The following LDLRAD4 variants were observed in gnomAD, a reference collection of about 807,000 sequenced individuals.
LDLRAD4 encodes low density lipoprotein receptor class A domain containing 4.
LDLRAD4 carries 5 observed loss-of-function variants against 17.0 expected under a neutral mutation model. The observed-to-expected ratio is 0.29, with a 90% CI of 0.15 to 0.62. The LOEUF (loss-of-function observed/expected upper bound fraction) is 0.62. Among genes scored for constraint, LDLRAD4 ranks in the 20% least tolerant of loss-of-function variants. The pLI is 0.84. For synonymous variants in LDLRAD4, 168 were observed against 171.8 expected, an observed-to-expected ratio of 0.98 and a Z score of 0.17; for missense variants, 340 against 424.7, an observed-to-expected ratio of 0.80 and a Z score of 1.75.
At chr18:13,409,383 A>G (rs1368537982) in intron 2 of LDLRAD4, among the ~76,000 whole-genome samples, 6 of 152,198 alleles carry the variant, frequency 3.9e-5, no homozygotes, top group Non-Finnish European at 8.8e-5. Context: ...CCTTAACTAT[A>G]GATGATTCCT....
chr18:13,228,643 G>C (rs2041925724), intron 1 of LDLRAD4, among the ~76,000 whole-genome samples: 1 of 152,146 alleles, frequency 6.6e-6, no homozygotes, highest in Non-Finnish European at 1.5e-5. Flanking sequence ...CAGGCACAAG[G>C]CTGGAGTTTG....
intron 2 of LDLRAD4, among the ~76,000 whole-genome samples, chr18:13,394,538 C>G (rs563505077): frequency 1.1e-4 from 16 of 152,196 alleles, no homozygotes; most frequent in African/African-American, 3.9e-4. Context: ...AGAAACATTC[C>G]AATTAATATT....
At chr18:13,583,619 A>G (rs564934732) in intron 3 of LDLRAD4, among the ~76,000 whole-genome samples, 1 of 152,356 alleles carries the variant, frequency 6.6e-6, no homozygotes. Flanking sequence ...AAATTTTAAG[A>G]AAGATTGATA....
At chr18:13,479,708 G>A (rs1381060877) in intron 3 of LDLRAD4, among the ~76,000 whole-genome samples, 5 of 151,930 alleles carry the variant, frequency 3.3e-5, no homozygotes, top group Admixed American at 1.3e-4. Context: ...CAAACTATAC[G>A]AAGAACTCTT....
intron 3 of LDLRAD4, among the ~76,000 whole-genome samples, chr18:13,587,518 C>T (rs1237674413): frequency 6.6e-6 from 1 of 152,182 alleles, no homozygotes; most frequent in Non-Finnish European, 1.5e-5. Flanking sequence ...CCAACGTCCA[C>T]ACTTCGTTTC....
At chr18:13,597,991 G>A (rs1428453296) in intron 3 of LDLRAD4, among the ~76,000 whole-genome samples, 1 of 152,090 alleles carries the variant, frequency 6.6e-6, no homozygotes, top group Non-Finnish European at 1.5e-5. Flanking sequence ...AATGGCTATT[G>A]TGAAGTTTTT....
chr18:13,481,992 C>T (rs1253410165), intron 3 of LDLRAD4, among the ~76,000 whole-genome samples: 1 of 152,002 alleles, frequency 6.6e-6, no homozygotes, highest in Non-Finnish European at 1.5e-5. Context: ...ACTGAAGTGA[C>T]AGGACTGGAG....
chr18:13,519,386 C>T (rs1235433270), intron 3 of LDLRAD4, among the ~76,000 whole-genome samples: 1 of 152,214 alleles, frequency 6.6e-6, no homozygotes, highest in African/African-American at 2.4e-5. Flanking sequence ...CTTTCCCTGT[C>T]TGCCTTGGGT....
At chr18:13,410,291 C>G (rs893162881) in intron 2 of LDLRAD4, among the ~76,000 whole-genome samples, 4 of 152,028 alleles carry the variant, frequency 2.6e-5, no homozygotes, top group Middle Eastern at 3.4e-3. Flanking sequence ...AGATGGGATC[C>G]TGGGATAGAA....
chr18:13,484,855 A>G (rs971674913), intron 3 of LDLRAD4, among the ~76,000 whole-genome samples: 10 of 152,176 alleles, frequency 6.6e-5, no homozygotes, highest in Non-Finnish European at 1.2e-4. Context: ...TGGTGGTTAT[A>G]CTAGCTTGCT....
intron 3 of LDLRAD4, among the ~76,000 whole-genome samples, chr18:13,448,388 C>A (rs1048541026): frequency 6.6e-6 from 1 of 152,102 alleles, no homozygotes; most frequent in Non-Finnish European, 1.5e-5. Context: ...TGAATTTCTG[C>A]GAATTTCTTC....
At chr18:13,314,808 T>G (rs1243543046) in intron 1 of LDLRAD4, among the ~76,000 whole-genome samples, 3 of 152,174 alleles carry the variant, frequency 2.0e-5, no homozygotes, top group Non-Finnish European at 4.4e-5. Context: ...AATATTAAGG[T>G]GAGCCTAGTA....
At chr18:13,256,295 T>C (rs1041203917) in intron 1 of LDLRAD4, among the ~76,000 whole-genome samples, 2 of 152,168 alleles carry the variant, frequency 1.3e-5, no homozygotes, top group Non-Finnish European at 2.9e-5. Context: ...GTCCTCTCCA[T>C]GTTGGGAGTA....
At chr18:13,294,779 C>G (rs1354360001) in intron 1 of LDLRAD4, among the ~76,000 whole-genome samples, 1 of 151,404 alleles carries the variant, frequency 6.6e-6, no homozygotes, top group African/African-American at 2.4e-5. Context: ...ATTAGGACAG[C>G]CTACCTACTT....
chr18:13,393,210 C>T (rs564078704), intron 2 of LDLRAD4, among the ~76,000 whole-genome samples: 1 of 152,098 alleles, frequency 6.6e-6, no homozygotes. Flanking sequence ...AGAGAATGCT[C>T]GCTTTAGGAG....
chr18:13,636,645 A>C (rs1319734253), intron 4 of LDLRAD4, among the ~76,000 whole-genome samples: 5 of 152,130 alleles, frequency 3.3e-5, no homozygotes, highest in Non-Finnish European at 7.4e-5. Context: ...GTAGGCGTGC[A>C]CCACCGTGCC....
At chr18:13,248,557 C>T (rs2043081467) in intron 1 of LDLRAD4, among the ~76,000 whole-genome samples, 1 of 152,194 alleles carries the variant, frequency 6.6e-6, no homozygotes, top group South Asian at 2.1e-4. Context: ...TACTTTACAC[C>T]AAGATGTTAA....
chr18:13,222,557 A>G (rs769913078), intron 1 of LDLRAD4, among the ~76,000 whole-genome samples: 17 of 151,904 alleles, frequency 1.1e-4, no homozygotes, highest in Non-Finnish European at 2.2e-4. Flanking sequence ...CTGCAAACGC[A>G]CTCTGCAGCC....
intron 2 of LDLRAD4, among the ~76,000 whole-genome samples, chr18:13,423,178 T>G (rs1477704708): frequency 2.6e-5 from 4 of 152,100 alleles, no homozygotes; most frequent in African/African-American, 9.7e-5. Context: ...AGTTTCTAAT[T>G]TTAAGACTAA....
Sources: allele counts gnomAD v4.1 joint callset (sites outside exome capture counted in the v4.1 genomes callset), GRCh38; gene constraint gnomAD v4.1.1; transcripts MANE v1.5; gene names NCBI Gene and HGNC (gene_info 2026-07-23, HGNC 2026-07-21).